Variants in ARFGAP2 observed in about 807,000 individuals in gnomAD.
ARFGAP2 encodes the protein ADP-ribosylation factor GTPase-activating protein 2.
In ARFGAP2, 45 loss-of-function variants were observed where a neutral mutation model predicts 71.9. The observed-to-expected ratio is 0.63, with a 90% confidence interval of 0.49 to 0.80. The LOEUF is 0.80. Among genes scored for constraint, ARFGAP2 ranks in the 30% least tolerant of loss-of-function variants. The pLI is 0.00. For synonymous variants in ARFGAP2, 248 were observed against 249.2 expected, an observed-to-expected ratio of 1.00 and a Z score of 0.05; for missense variants, 633 against 673.9, an observed-to-expected ratio of 0.94 and a Z score of 0.67.
At chr11:47,175,619 C>T (rs1405542678) in intron 3 of ARFGAP2, 3 of 624,000 alleles carry the variant, frequency 4.8e-6, no homozygotes, top group Non-Finnish European at 8.3e-6. Context: ...ACTGTGAAGG[C>T]TCCCAACTCC....
In ARFGAP2 at chr11:47,171,665, T is replaced by C; in HGVS notation, c.808A>G (p.Met270Val). The change falls in exon 9 of 16, where the codon ATG (methionine) becomes GTG (valine). Residue 270 changes from methionine to valine, a missense_variant and splice_region_variant. Met to Val is a conservative substitution (Grantham distance 21, BLOSUM62 1). Transcript: ENST00000524782. ...ADAKKQAEES[M>V]VASMRLAYQE... ...GAGGCCCCGGCAGCAAACACTTACA[T>C]GGACTCCTCCGCCTGCTTCTTGGCA... 1 of 1,613,774 alleles carries C rather than the reference T, an allele frequency of 6.2e-7. No homozygotes were observed. The highest frequency in any genetic ancestry group is 8.5e-7 in the Non-Finnish European group (1 of 1,180,022).
intron 15 of ARFGAP2, 50 bp downstream of exon 15, chr11:47,166,218 C>T (rs1021934055): frequency 3.2e-6 from 5 of 1,586,564 alleles, no homozygotes; most frequent in East Asian, 4.5e-5. Context: ...TATGTGGTGG[C>T]GAAGGGCAAA....
At position 47,166,534 on chromosome 11, in the gene ARFGAP2, A is replaced by G. The variant is rs962101274; in HGVS notation, c.1398T>C (p.Phe466=). ...GSSAISSSDL[F]GDMDGAHGAG... The stretch of plus-strand genomic sequence containing the variant: ...CTCCGTGAGCTCCATCCATGTCCCC[A>G]AAGAGGTCTGAAGAGCTGATGGCAC... Residue 466 remains phenylalanine (F), a synonymous_variant, in exon 14 of 16, where the codon TTT becomes TTC. Transcript: ENST00000524782. 5.6e-6 allele frequency: 9 copies of G among 1,612,552 alleles called. No individual in the cohort carries two copies. Among genetic ancestry groups the G allele is most frequent in the South Asian group, 4.4e-5 (4 of 91,086 alleles).
chr11:47,173,188 C>CA lies in ARFGAP2; in HGVS notation c.619+237dup, dbSNP rs1168319880. On this transcript the variant is annotated intron_variant, in intron 7 of 15. Transcript: ENST00000524782. ...CTTTGGCTAGACCCAGCCCCACACTCAGAGGCAGACCCCAGGCCTTATACA... is the reference window on the plus strand; with the variant it reads ...CTTTGGCTAGACCCAGCCCCACACTCAAGAGGCAGACCCCAGGCCTTATACA... 8 of 548,924 alleles carry CA rather than the reference C, an allele frequency of 1.5e-5. No homozygotes were observed. In the East Asian group the frequency reaches 1.7e-4, roughly 12 times the overall value. The allele number at this position is 548,924 out of a possible 1,614,324, so 34.0% of individuals were successfully genotyped here.
intron 8 of ARFGAP2, chr11:47,172,025 G>A: frequency 1.4e-6 from 1 of 729,338 alleles, no homozygotes; most frequent in Non-Finnish European, 2.2e-6. Flanking sequence ...GGCAGTTAAT[G>A]CTGACAGGGC....
rs376319014 is a variant in ARFGAP2 at position 47,176,641 on chromosome 11, G to A, written c.73-7C>T. The A allele has an allele frequency of 3.8e-5, 61 of 1,613,810 alleles. No individual in the cohort carries two copies. The African/African-American group carries it at 7.2e-4, about 19-fold the overall frequency. ...CGCCGCAGTCGAAACAGGCCTGGGT[G>A]GAGGCGGCGATGAGCGAATCGTCAG... On this transcript the variant is annotated splice_polypyrimidine_tract_variant and splice_region_variant and intron_variant, in intron 1 of 15. Transcript: ENST00000524782.
chr11:47,175,612 G>C, intron 3 of ARFGAP2: 2 of 623,928 alleles, frequency 3.2e-6, no homozygotes, highest in South Asian at 3.9e-5. Flanking sequence ...CCCAATGACT[G>C]TGAAGGCTCC....
rs1952412422 is a variant in ARFGAP2 at position 47,167,026 on chromosome 11, G to A, written c.1206-140C>T. The A allele has an allele frequency of 7.8e-6, 9 of 1,160,904 alleles. 1 individual carries two copies. In the Admixed American group the frequency reaches 9.3e-5, roughly 12 times the overall value. The allele number at this position is 1,160,904 out of a possible 1,614,324, so 71.9% of individuals were successfully genotyped here. On this transcript the variant is annotated intron_variant, in intron 12 of 15. Coordinates refer to ENST00000524782, the MANE Select transcript of ARFGAP2 (RefSeq NM_032389.6). Reference sequence around the variant, plus strand: ...TCTGTCTGTGGCTCTGTGGCTCTGGGCCCCTCTCCCCTGGTGAGGAGTCAC... The same window carrying A: ...TCTGTCTGTGGCTCTGTGGCTCTGGACCCCTCTCCCCTGGTGAGGAGTCAC...
rs771168283 is a variant in ARFGAP2 at position 47,168,088 on chromosome 11, C to T, written c.1070+35G>A. 16 of 1,614,154 alleles carry T rather than the reference C, an allele frequency of 9.9e-6. No homozygotes were observed. In the South Asian group the frequency reaches 1.6e-4, roughly 17 times the overall value. ...GCTCAGAGAAGCCTGATGAGGAACA[C>T]AGCAGCCAAGTTTACAGCTAGAAAA... On this transcript the variant is annotated intron_variant, in intron 11 of 15. Transcript: ENST00000524782.
chr11:47,165,630 G>A (rs936618503), intron 15 of ARFGAP2, 128 bp from the exon 16 acceptor site: 36 of 1,029,220 alleles, frequency 3.5e-5, no homozygotes, highest in Non-Finnish European at 3.9e-5. Context: ...TGGACAGCCC[G>A]GTGAGGCAGG....
chr11:47,166,151 C>T, intron 15 of ARFGAP2, 117 bp downstream of exon 15: 1 of 1,050,374 alleles, frequency 9.5e-7, no homozygotes, highest in Non-Finnish European at 1.4e-6. Flanking sequence ...CGTGAGCCAC[C>T]ACACCCGGCC....
chr11:47,171,237 C>T (rs1387071013), intron 10 of ARFGAP2, among the ~76,000 whole-genome samples, 189 bp downstream of exon 10: 10 of 152,206 alleles, frequency 6.6e-5, no homozygotes, highest in African/African-American at 2.4e-4. Context: ...CCTATTCAGT[C>T]ATTCAACTTA....
intron 3 of ARFGAP2, chr11:47,175,526 G>A (rs948024786): frequency 2.7e-6 from 2 of 740,580 alleles, no homozygotes; most frequent in South Asian, 1.6e-5. Context: ...TGAAGTCCAG[G>A]CCCCACTGAA....
rs1952278619 is a variant in ARFGAP2 at position 47,164,568 on chromosome 11, G to A, written c.*914C>T. The A allele has an allele frequency of 3.8e-5, 8 of 208,962 alleles. No homozygotes were observed. The South Asian group carries it at 5.5e-4, about 14-fold the overall frequency. The allele number at this position is 208,962 out of a possible 1,614,324, so 12.9% of individuals were successfully genotyped here. A position where few individuals can be genotyped will look rare whatever the true frequency, so the allele number is the denominator to read the frequency against. ...AGGCCCACAGCTCTCACTGGCGGGT[G>A]CTGTCCAGGCCAAGCCCAGAATGAT... On this transcript the variant is annotated 3_prime_UTR_variant, in exon 16 of 16. Coordinates refer to ENST00000524782, the MANE Select transcript of ARFGAP2 (RefSeq NM_032389.6).
rs780684381 is a variant in ARFGAP2, at chr11:47,166,799, G to C, written c.1293C>G (p.Ile431Met). ...CCCGCCCAAAGAACATGTCAGATGA[G>C]ATGGCTTTGGCTCCTGCGAATTTCT... ...ARQKFAGAKA[I>M]SSDMFFGREV... The change falls in exon 13 of 16, where the codon ATC (isoleucine) becomes ATG (methionine). Residue 431 changes from isoleucine to methionine, a missense_variant. Transcript: ENST00000524782. The C allele has an allele frequency of 1.2e-6, 2 of 1,614,142 alleles. No homozygotes were observed. The highest frequency in any genetic ancestry group is 8.5e-7 in the Non-Finnish European group (1 of 1,180,044).
At chr11:47,165,941 C>T (rs1952354835) in intron 15 of ARFGAP2, among the ~76,000 whole-genome samples, 1 of 152,092 alleles carries the variant, frequency 6.6e-6, no homozygotes, top group Admixed American at 6.5e-5. Flanking sequence ...GGCATGATCT[C>T]AGCTCACTAC....
intron 3 of ARFGAP2, 52 bp downstream of exon 3, chr11:47,175,799 G>A: frequency 6.2e-7 from 1 of 1,608,370 alleles, no homozygotes; most frequent in Non-Finnish European, 8.5e-7. Flanking sequence ...GTCGTGCAAA[G>A]TTAGTAACCA....
chr11:47,165,312 C>A lies in ARFGAP2; in HGVS notation c.*170G>T, dbSNP rs983234688. On this transcript the variant is annotated 3_prime_UTR_variant, in exon 16 of 16. Coordinates refer to ENST00000524782, the MANE Select transcript of ARFGAP2 (RefSeq NM_032389.6). ...CACAGGCAGAGGACAAGGGCTGGTA[C>A]TGACCATTCCCCTCACAGGAGTGAG... The A allele has an allele frequency of 1.5e-4, 112 of 729,936 alleles. No homozygotes were observed. Among genetic ancestry groups the A allele is most frequent in the Middle Eastern group, 3.2e-4 (1 of 3,160 alleles). The allele number at this position is 729,936 out of a possible 1,614,324, so 45.2% of individuals were successfully genotyped here.
intron 15 of ARFGAP2, 49 bp downstream of exon 15, chr11:47,166,219 G>A (rs376755086): frequency 2.3e-5 from 37 of 1,589,982 alleles, no homozygotes; most frequent in Admixed American, 1.7e-4. Context: ...ATGTGGTGGC[G>A]AAGGGCAAAC....
Sources: gnomAD v4.1 joint callset for allele counts (sites outside exome capture counted in the v4.1 genomes callset) on GRCh38, gnomAD v4.1.1 for gene constraint, MANE v1.5 for transcripts, NCBI Gene and HGNC (gene_info 2026-07-23, HGNC 2026-07-21) for gene names.